The following SUCLG2 variants were observed in gnomAD, a reference collection of about 807,000 sequenced individuals.
The protein encoded by SUCLG2 is succinate-CoA ligase GDP-forming subunit beta.
In SUCLG2, 42 loss-of-function variants were observed where a neutral mutation model predicts 47.9. The ratio of observed to expected loss-of-function variants is 0.88; its 90% CI spans 0.69 to 1.14. The LOEUF (loss-of-function observed/expected upper bound fraction) is 1.14, where lower values mean the gene tolerates loss of function less well. Among genes scored for constraint, SUCLG2 ranks in the 50% most tolerant of loss-of-function variants. The probability of loss-of-function intolerance (pLI) is 0.00; values close to 1 mark genes in which losing one functional copy is unlikely to be tolerated. For synonymous variants in SUCLG2, 195 were observed against 197.3 expected (o/e 0.99, Z 0.10); for missense variants, 571 against 525.9 (o/e 1.09, Z -0.84).
At chr3:67,478,340 G>A (rs1348518851) in intron 9 of SUCLG2, among the ~76,000 whole-genome samples, 1 of 152,186 alleles carries the variant, frequency 6.6e-6, no homozygotes, top group African/African-American at 2.4e-5. Context: ...AACAAGCGAG[G>A]TGAAGAGATT....
At chr3:67,427,948 G>C (rs940125847) in intron 9 of SUCLG2, among the ~76,000 whole-genome samples, 4 of 152,198 alleles carry the variant, frequency 2.6e-5, no homozygotes, top group African/African-American at 9.7e-5. Context: ...GCTTGAGTAG[G>C]TAAACGAAGC....
intron 1 of SUCLG2, among the ~76,000 whole-genome samples, chr3:67,620,600 A>AAAAAAAG (rs1700719254): frequency 2.0e-5 from 3 of 150,956 alleles, no homozygotes; most frequent in East Asian, 1.9e-4. Context: ...AAAAAAAAAA[A>AAAAAAAG]AAAGAAAGAA....
At chr3:67,373,645 G>C (rs1701983788), downstream of SUCLG2, among the ~76,000 whole-genome samples, 1 of 152,140 alleles carries the variant, frequency 6.6e-6, no homozygotes, top group Non-Finnish European at 1.5e-5. Flanking sequence ...CTGATCACTG[G>C]AGTCATATTC....
At chr3:67,427,021 A>G (rs1244324020) in intron 9 of SUCLG2, among the ~76,000 whole-genome samples, 4 of 152,206 alleles carry the variant, frequency 2.6e-5, no homozygotes, top group Admixed American at 2.6e-4. Context: ...TGTAATTTAC[A>G]ATAGGATTTC....
At chr3:67,568,319 A>T (rs1258339814) in intron 2 of SUCLG2, among the ~76,000 whole-genome samples, 2 of 152,220 alleles carry the variant, frequency 1.3e-5, no homozygotes, top group Non-Finnish European at 1.5e-5. Flanking sequence ...AGCATCGAAT[A>T]GATTTTAAAG....
rs181605654 is a variant in SUCLG2, at chr3:67,425,846, T to C, written c.1063-24995A>G. Among the ~76,000 whole-genome samples the C allele has an allele frequency of 9.6e-4, 147 of 152,356 alleles. 2 individuals carry two copies. Among genetic ancestry groups the C allele is most frequent in the African/African-American group, 5.8e-4 (24 of 41,580 alleles). On this transcript the variant is annotated intron_variant, in intron 9 of 10. Coordinates refer to ENST00000307227, the MANE Select transcript of SUCLG2 (RefSeq NM_003848.4). The stretch of plus-strand genomic sequence containing the variant: ...AAATTTTCACTGGACACCATGATAC[T>C]GCATAAACATTCGAGCTGTCGAGGT...
At position 67,417,914 on chromosome 3, in the gene SUCLG2, A is replaced by G. The variant is rs775957263; in HGVS notation, c.1063-17063T>C. 8.0e-4 allele frequency among the ~76,000 whole-genome samples: 122 copies of G among 152,190 alleles called. 2 individuals carry two copies. Among genetic ancestry groups the G allele is most frequent in the South Asian group, 6.2e-4 (3 of 4,834 alleles). On this transcript the variant is annotated intron_variant, in intron 9 of 10. Coordinates refer to ENST00000307227, the MANE Select transcript of SUCLG2 (RefSeq NM_003848.4). ...TTGAGGCTATAGCTGTTTGAAAGTT[A>G]TTCTTTAATCTTTATACTGGGGGAC...
intron 9 of SUCLG2, among the ~76,000 whole-genome samples, chr3:67,404,068 T>C (rs1702749574): frequency 6.6e-6 from 1 of 152,082 alleles, no homozygotes; most frequent in South Asian, 2.1e-4. Flanking sequence ...GCAGTATTAG[T>C]AGAGAGGCGA....
At chr3:67,646,430 A>G (rs1426887182) in intron 1 of SUCLG2, among the ~76,000 whole-genome samples, 1 of 152,076 alleles carries the variant, frequency 6.6e-6, no homozygotes, top group Non-Finnish European at 1.5e-5. Flanking sequence ...CTCCATCTCT[A>G]CTAAAAATAC....
At chr3:67,555,577 T>C (rs1340331453) in intron 2 of SUCLG2, among the ~76,000 whole-genome samples, 2 of 152,112 alleles carry the variant, frequency 1.3e-5, no homozygotes. Context: ...TAAGTTGACA[T>C]TGAGATATCT....
At chr3:67,541,552 A>G (rs1008520844) in intron 2 of SUCLG2, among the ~76,000 whole-genome samples, 5 of 152,246 alleles carry the variant, frequency 3.3e-5, no homozygotes, top group Non-Finnish European at 5.9e-5. Flanking sequence ...GGTGTACCTG[A>G]AACTGACAGG....
intron 7 of SUCLG2, among the ~76,000 whole-genome samples, chr3:67,502,888 T>C (rs1210496386): frequency 6.6e-6 from 1 of 152,138 alleles, no homozygotes; most frequent in South Asian, 2.1e-4. Context: ...AACAAGATTT[T>C]TGGCTAAAAG....
At chr3:67,494,827 T>C (rs1256256630) in intron 9 of SUCLG2, among the ~76,000 whole-genome samples, 1 of 152,180 alleles carries the variant, frequency 6.6e-6, no homozygotes, top group African/African-American at 2.4e-5. Flanking sequence ...CAAAGCATAC[T>C]GATATTTAAC....
At chr3:67,409,061 A>G (rs1419853520) in intron 9 of SUCLG2, 2 of 1,531,248 alleles carry the variant, frequency 1.3e-6, no homozygotes, top group Non-Finnish European at 1.7e-6. Flanking sequence ...CAGAGGTAAG[A>G]TATCTTGTAT....
At chr3:67,510,561 C>T (rs1705759069) in intron 6 of SUCLG2, among the ~76,000 whole-genome samples, 1 of 152,172 alleles carries the variant, frequency 6.6e-6, no homozygotes, top group African/African-American at 2.4e-5. Flanking sequence ...ATTCCTCCTT[C>T]ATCTGTCTTA....
At chr3:67,440,197 G>C (rs1410796479) in intron 9 of SUCLG2, among the ~76,000 whole-genome samples, 1 of 152,184 alleles carries the variant, frequency 6.6e-6, no homozygotes, top group Non-Finnish European at 1.5e-5. Flanking sequence ...ACTGAAGCTG[G>C]ACTCCTTCCT....
chr3:67,438,986 C>G (rs1336891080), intron 9 of SUCLG2, among the ~76,000 whole-genome samples: 2 of 152,164 alleles, frequency 1.3e-5, no homozygotes, highest in African/African-American at 4.8e-5. Context: ...CAAATATCCT[C>G]AATAAAATTC....
chr3:67,487,588 AAAAAG>A (rs953172481), intron 9 of SUCLG2, among the ~76,000 whole-genome samples: 2 of 152,108 alleles, frequency 1.3e-5, no homozygotes, highest in African/African-American at 4.8e-5. Context: ...CTAGACAAAA[AAAAAG>A]AAAAGGCAAG....
At chr3:67,580,521 T>C (rs1187014189) in intron 2 of SUCLG2, among the ~76,000 whole-genome samples, 1 of 152,220 alleles carries the variant, frequency 6.6e-6, no homozygotes, top group African/African-American at 2.4e-5. Context: ...CTTTATTCTT[T>C]CACCCAACAT....
Sources: allele counts gnomAD v4.1 joint callset (sites outside exome capture counted in the v4.1 genomes callset), GRCh38; gene constraint gnomAD v4.1.1; transcripts MANE v1.5; gene names NCBI Gene and HGNC (gene_info 2026-07-23, HGNC 2026-07-21).